The following WWOX variants were observed in gnomAD, a reference collection of about 807,000 sequenced individuals.
WWOX encodes WW domain-containing oxidoreductase.
WWOX carries 69 observed loss-of-function variants against 46.2 expected under a neutral mutation model. The observed-to-expected ratio is 1.49, with a 90% CI of 1.23 to 1.82. The LOEUF (loss-of-function observed/expected upper bound fraction) is 1.82. WWOX is among the 40% of genes most tolerant of loss of function. The pLI is 0.00. For missense variants in WWOX, 919 were observed against 542.6 expected, an observed-to-expected ratio of 1.69 and a Z score of -6.89; for synonymous variants, 359 against 202.6, an observed-to-expected ratio of 1.77 and a Z score of -6.56.
At position 78,319,088 on chromosome 16, in the gene WWOX, G is replaced by A. The variant is rs897342860; in HGVS notation, c.517-67772G>A. Reference sequence around the variant, plus strand: ...TGTAATTGCCAGGATTCCTAAAAGGGGGAGAGAGAGTCGGATGAGTCAGGC... The same window carrying A: ...TGTAATTGCCAGGATTCCTAAAAGGAGGAGAGAGAGTCGGATGAGTCAGGC... On this transcript the variant is annotated intron_variant, in intron 5 of 8. Coordinates refer to ENST00000566780, the MANE Select transcript of WWOX (RefSeq NM_016373.4). Among the ~76,000 whole-genome samples the A allele has an allele frequency of 3.9e-5, 6 of 152,104 alleles. No homozygotes were observed. The East Asian group carries it at 1.2e-3, about 29-fold the overall frequency.
intron 8 of WWOX, among the ~76,000 whole-genome samples, chr16:78,534,201 C>A (rs1484729753): frequency 6.6e-6 from 1 of 152,116 alleles, no homozygotes; most frequent in African/African-American, 2.4e-5. Flanking sequence ...GGAGGCTTAC[C>A]CACTCTGAGT....
chr16:78,964,375 A>G (rs1376820986), intron 8 of WWOX, among the ~76,000 whole-genome samples: 1 of 152,090 alleles, frequency 6.6e-6, no homozygotes, highest in Non-Finnish European at 1.5e-5. Context: ...TGGGAATTGG[A>G]GCACAGGTGA....
intron 8 of WWOX, among the ~76,000 whole-genome samples, chr16:79,149,063 T>C (rs933265312): frequency 2.6e-5 from 4 of 152,208 alleles, no homozygotes; most frequent in Non-Finnish European, 5.9e-5. Flanking sequence ...GAACTTCCTG[T>C]GCTATGTTGA....
At chr16:78,335,081 A>G (rs1180139598) in intron 5 of WWOX, among the ~76,000 whole-genome samples, 2 of 152,188 alleles carry the variant, frequency 1.3e-5, no homozygotes, top group Admixed American at 6.5e-5. Flanking sequence ...TATTCCACAC[A>G]TAATGAATCA....
intron 8 of WWOX, among the ~76,000 whole-genome samples, chr16:78,865,853 T>G (rs1597079783): frequency 6.6e-6 from 1 of 152,360 alleles, no homozygotes; most frequent in African/African-American, 2.4e-5. Flanking sequence ...CACTCCAGCC[T>G]GGGCGATGAG....
chr16:78,905,010 T>A (rs1232324056), intron 8 of WWOX, among the ~76,000 whole-genome samples: 1 of 152,220 alleles, frequency 6.6e-6, no homozygotes, highest in Non-Finnish European at 1.5e-5. Flanking sequence ...TTATTATAAC[T>A]ACAGAAAATA....
At chr16:78,640,730 G>A (rs951291432) in intron 8 of WWOX, among the ~76,000 whole-genome samples, 1 of 152,098 alleles carries the variant, frequency 6.6e-6, no homozygotes, top group Non-Finnish European at 1.5e-5. Flanking sequence ...CCTGAGCTCA[G>A]GAGTTGAATA....
chr16:78,412,762 G>A (rs544562583), intron 6 of WWOX, among the ~76,000 whole-genome samples: 1 of 152,312 alleles, frequency 6.6e-6, no homozygotes, highest in Admixed American at 6.5e-5. Flanking sequence ...TCTGGATGGT[G>A]ATAGAATGGA....
intron 8 of WWOX, among the ~76,000 whole-genome samples, chr16:79,089,281 G>A (rs140833027): frequency 2.4e-4 from 36 of 151,550 alleles, no homozygotes; most frequent in Middle Eastern, 3.5e-3. Flanking sequence ...TAAAGTTCCT[G>A]GCAAAGGTTT....
In WWOX at chr16:78,960,531, A is replaced by C. The variant is rs79063050; in HGVS notation, c.1057-251077A>C. On this transcript the variant is annotated intron_variant, in intron 8 of 8. Coordinates refer to ENST00000566780, the MANE Select transcript of WWOX (RefSeq NM_016373.4). ...CCTCATTTTGTCACCTTCTTACCCC[A>C]GAAGGAAATATCTCCACAAGAGAGC... Among the ~76,000 whole-genome samples, 327 of 152,366 alleles carry C rather than the reference A, an allele frequency of 2.1e-3. 7 individuals are homozygous for C. In the East Asian group the frequency reaches 0.049, roughly 23 times the overall value.
chr16:78,113,058 T>C (rs2032586694), intron 3 of WWOX, among the ~76,000 whole-genome samples: 1 of 152,230 alleles, frequency 6.6e-6, no homozygotes. Context: ...GTGCAGTCTT[T>C]GCCTTTGCAT....
chr16:78,330,458 G>A (rs1010165459), intron 5 of WWOX, among the ~76,000 whole-genome samples: 12 of 151,290 alleles, frequency 7.9e-5, no homozygotes, highest in South Asian at 2.1e-4. Flanking sequence ...GTGCACTGGC[G>A]TGATCTCAGC....
intron 8 of WWOX, among the ~76,000 whole-genome samples, chr16:78,687,255 C>G (rs1316834131): frequency 6.6e-6 from 1 of 152,094 alleles, no homozygotes; most frequent in African/African-American, 2.4e-5. Flanking sequence ...GAAATATGAA[C>G]CCAATATGTT....
intron 8 of WWOX, among the ~76,000 whole-genome samples, chr16:78,937,600 G>GATT (rs1166482087): frequency 8.2e-6 from 1 of 122,328 alleles, no homozygotes; most frequent in Non-Finnish European, 1.8e-5. Flanking sequence ...CAGCTATAGA[G>GATT]CTTTATTTAT....
chr16:78,199,515 T>G (rs2036164951), intron 5 of WWOX, among the ~76,000 whole-genome samples: 2 of 152,180 alleles, frequency 1.3e-5, no homozygotes, highest in African/African-American at 4.8e-5. Flanking sequence ...TCATGACCTT[T>G]GTACTACCCA....
At chr16:78,832,104 G>T (rs572965359) in intron 8 of WWOX, among the ~76,000 whole-genome samples, 1 of 152,302 alleles carries the variant, frequency 6.6e-6, no homozygotes, top group African/African-American at 2.4e-5. Flanking sequence ...TGGCTTAGCT[G>T]GGTGATTCTA....
intron 8 of WWOX, among the ~76,000 whole-genome samples, chr16:78,753,663 A>T (rs1300691399): frequency 6.6e-6 from 1 of 151,254 alleles, no homozygotes; most frequent in Non-Finnish European, 1.5e-5. Context: ...TTAGCTGGGC[A>T]TTGTGGTATG....
intron 8 of WWOX, among the ~76,000 whole-genome samples, chr16:78,871,630 T>G (rs1295803410): frequency 6.6e-6 from 1 of 152,178 alleles, no homozygotes; most frequent in Non-Finnish European, 1.5e-5. Context: ...AAATGGCTAT[T>G]ACCAGGTTGC....
intron 5 of WWOX, among the ~76,000 whole-genome samples, chr16:78,377,927 G>C (rs941851805): frequency 6.6e-6 from 1 of 152,078 alleles, no homozygotes; most frequent in Non-Finnish European, 1.5e-5. Flanking sequence ...AAAAATTTTG[G>C]CCTGTATGTA....
Sources: allele counts gnomAD v4.1 joint callset (sites outside exome capture counted in the v4.1 genomes callset), GRCh38; gene constraint gnomAD v4.1.1; transcripts MANE v1.5; gene names NCBI Gene and HGNC (gene_info 2026-07-23, HGNC 2026-07-21).